The following SULT1C4 variants were observed in gnomAD, a reference collection of about 807,000 sequenced individuals.
SULT1C4 encodes the protein sulfotransferase 1C4.
A neutral mutation model predicts 34.8 loss-of-function variants in SULT1C4; 32 were observed. The ratio of observed to expected loss-of-function variants is 0.92; its 90% CI spans 0.69 to 1.23. SULT1C4 has a LOEUF of 1.23. Ranked by LOEUF, SULT1C4 falls within the 50% of genes most tolerant of loss-of-function variation. The pLI, the probability that SULT1C4 is intolerant of heterozygous loss-of-function variation, is 0.00. For synonymous variants in SULT1C4, 111 were observed against 120.5 expected (o/e 0.92, Z 0.51); for missense variants, 375 against 365.9 (o/e 1.02, Z -0.20).
chr2:108,379,422 C>T (rs939143724), intron 1 of SULT1C4, among the ~76,000 whole-genome samples: 2 of 152,134 alleles, frequency 1.3e-5, no homozygotes, highest in African/African-American at 4.8e-5. Flanking sequence ...ATCAGGAGCC[C>T]ATTCAGGATC....
chr2:108,381,134 G>A (rs1678377375), intron 1 of SULT1C4, among the ~76,000 whole-genome samples: 1 of 152,090 alleles, frequency 6.6e-6, no homozygotes. Flanking sequence ...ACAATTTGGG[G>A]AGAATGTCCT....
intron 5 of SULT1C4, among the ~76,000 whole-genome samples, chr2:108,385,370 T>A (rs909239375): frequency 3.9e-5 from 6 of 152,228 alleles, no homozygotes; most frequent in African/African-American, 1.4e-4. Context: ...CTAAAACTTT[T>A]AAAAATATTG....
chr2:108,384,204 CTTTATTTATTTA>C (rs797000968), intron 5 of SULT1C4, among the ~76,000 whole-genome samples: 4 of 150,524 alleles, frequency 2.7e-5, no homozygotes, highest in East Asian at 1.9e-4. Flanking sequence ...GAACATAATA[CTTTATTTATTTA>C]TTTATTTATT....
At chr2:108,379,250 C>T (rs947014527) in intron 1 of SULT1C4, among the ~76,000 whole-genome samples, 3 of 152,192 alleles carry the variant, frequency 2.0e-5, no homozygotes, top group South Asian at 4.1e-4. Flanking sequence ...CAAACACACA[C>T]ACATCAAAAA....
intron 3 of SULT1C4, 168 bp from the exon 4 acceptor site, chr2:108,382,925 A>AGT: frequency 2.4e-6 from 1 of 413,840 alleles, no homozygotes. Context: ...AAAAAAAAAA[A>AGT]AAAAAAGTCT....
rs3820959 is a variant in SULT1C4 at position 108,387,091 on chromosome 2, C to T, written c.797-229C>T. On this transcript the variant is annotated intron_variant, in intron 6 of 6. Coordinates refer to ENST00000272452, the MANE Select transcript of SULT1C4 (RefSeq NM_006588.4). ...GCTATTGTAACATGGCGGTCTCGCC[C>T]ACCCACTAATGCAACCAGGTGGCAA... Among the ~76,000 whole-genome samples the T allele has an allele frequency of 4.5e-3, 680 of 152,308 alleles. 5 individuals carry two copies. Among genetic ancestry groups the T allele is most frequent in the South Asian group, 0.014 (67 of 4,828 alleles).
At chr2:108,382,148 C>T in intron 2 of SULT1C4, 1 of 559,838 alleles carries the variant, frequency 1.8e-6, no homozygotes, top group Non-Finnish European at 3.0e-6. Flanking sequence ...TAAGATAATC[C>T]TGGTGAAAGG....
intron 3 of SULT1C4, chr2:108,382,721 C>A (rs1232457161): frequency 4.6e-6 from 2 of 437,954 alleles, no homozygotes; most frequent in Non-Finnish European, 8.1e-6. Flanking sequence ...CTGACCAACA[C>A]GGCGAAACCC....
At chr2:108,386,611 A>C (rs181960655) in intron 6 of SULT1C4, among the ~76,000 whole-genome samples, 81 of 152,298 alleles carry the variant, frequency 5.3e-4, no homozygotes, top group Admixed American at 2.9e-3. Context: ...ACTTTCCCTT[A>C]AGAGTTCTGG....
chr2:108,382,763 C>T (rs956126813), intron 3 of SULT1C4: 6 of 400,224 alleles, frequency 1.5e-5, no homozygotes, highest in Admixed American at 8.3e-5. Flanking sequence ...ATTCACAGGA[C>T]GTGGTGACAC....
Position 108,382,355 on chromosome 2 carries a change from G to A in SULT1C4, c.296-30G>A, listed in dbSNP as rs770544653. On this transcript the variant is annotated intron_variant, in intron 2 of 6. Coordinates refer to ENST00000272452, the MANE Select transcript of SULT1C4 (RefSeq NM_006588.4). ...GAAGCAAATAGATAAAAAAAAAATC[G>A]TAGAAATTGATCGAAAACCAGTTTT... The A allele has an allele frequency of 6.8e-5, 107 of 1,562,354 alleles. 2 individuals carry two copies. In the South Asian group the frequency reaches 7.1e-4, roughly 10 times the overall value.
chr2:108,378,627 A>G (rs1678308100), intron 1 of SULT1C4, 121 bp downstream of exon 1: 1 of 1,140,818 alleles, frequency 8.8e-7, no homozygotes, highest in South Asian at 1.7e-5. Flanking sequence ...GATATGGCTA[A>G]GGAAAGTTAC....
intron 1 of SULT1C4, among the ~76,000 whole-genome samples, chr2:108,381,359 A>G (rs1488331749): frequency 6.6e-6 from 1 of 152,164 alleles, no homozygotes; most frequent in Non-Finnish European, 1.5e-5. Context: ...TAGATGGTCC[A>G]GGCATGGTGG....
At chr2:108,382,322 A>G in intron 2 of SULT1C4, 63 bp from the exon 3 acceptor site, 1 of 1,312,570 alleles carries the variant, frequency 7.6e-7, no homozygotes, top group East Asian at 2.3e-5. Flanking sequence ...TGGAAGCAGC[A>G]AGACTTGGAA....
intron 3 of SULT1C4, 158 bp from the exon 4 acceptor site, chr2:108,382,935 T>TTAA: frequency 5.6e-6 from 1 of 177,234 alleles, no homozygotes; most frequent in Admixed American, 8.1e-5. Context: ...AAAAAAAGTC[T>TTAA]CCCATAACCA....
rs1558704123 is a variant in SULT1C4, at chr2:108,388,395, A to T, written c.*963A>T. 6.6e-6 allele frequency among the ~76,000 whole-genome samples: 1 copy of T among 152,152 alleles called. No homozygotes were observed. Among genetic ancestry groups the T allele is most frequent in the Non-Finnish European group, 1.5e-5 (1 of 68,042 alleles). On this transcript the variant is annotated 3_prime_UTR_variant, in exon 7 of 7. Transcript: ENST00000272452. ...ATATGTCAGAAAATCTGTCAGTTTT[A>T]ATCTACGAAATCTCTTAAAATATTT...
At chr2:108,383,027 C>CAAAAAA in intron 3 of SULT1C4, 66 bp from the exon 4 acceptor site, 1 of 1,296,202 alleles carries the variant, frequency 7.7e-7, no homozygotes, top group Non-Finnish European at 1.0e-6. Flanking sequence ...GCAGTAACAG[C>CAAAAAA]AAAAAAAAAA....
In SULT1C4 at chr2:108,387,458, T is replaced by C; in HGVS notation, c.*26T>C. On this transcript the variant is annotated 3_prime_UTR_variant, in exon 7 of 7. Coordinates refer to ENST00000272452, the MANE Select transcript of SULT1C4 (RefSeq NM_006588.4). ...TAAGGAAGAAAAACTGAAAATGTTT[T>C]AGTTTATTACCCAGTATATTTGGGT... 8.2e-6 allele frequency: 12 copies of C among 1,471,054 alleles called. No homozygotes were observed. The highest frequency in any genetic ancestry group is 1.1e-5 in the Non-Finnish European group (12 of 1,054,396). 91.1% of individuals were successfully genotyped at this position (1,471,054 alleles called of 1,614,324 possible).
chr2:108,383,476 G>A lies in SULT1C4; in HGVS notation c.581G>A (p.Arg194His), dbSNP rs201183375. 10 of 1,614,112 alleles carry A rather than the reference G, an allele frequency of 6.2e-6. No homozygotes were observed. The highest frequency in any genetic ancestry group is 3.3e-5 in the South Asian group (3 of 91,066). ...TGGTGGGAAGCCAAAGACAAACACC[G>A]TATTCTCTATCTCTTCTATGAGGAC... ...KGWWEAKDKHRILYLFYEDMK... is the reference protein window; with the variant it reads ...KGWWEAKDKHHILYLFYEDMK... The change falls in exon 5 of 7, where the codon CGT becomes CAT. Residue 194 changes from arginine (R) to histidine (H), a missense_variant. Arg to His is a conservative substitution (Grantham distance 29). Transcript: ENST00000272452.
Sources: gnomAD v4.1 joint callset for allele counts (sites outside exome capture counted in the v4.1 genomes callset) on GRCh38, gnomAD v4.1.1 for gene constraint, MANE v1.5 for transcripts, NCBI Gene and HGNC (gene_info 2026-07-23, HGNC 2026-07-21) for gene names.